Variants in RXFP2 observed in about 807,000 individuals in gnomAD.
RXFP2 encodes the protein relaxin receptor 2.
RXFP2 carries 68 observed loss-of-function variants against 88.6 expected under a neutral mutation model. The observed-to-expected ratio is 0.77, with a 90% CI of 0.63 to 0.94. The LOEUF is 0.94. Among genes scored for constraint, RXFP2 ranks in the 40% least tolerant of loss-of-function variants. The probability of loss-of-function intolerance (pLI) is 0.00; values close to 1 mark genes in which losing one functional copy is unlikely to be tolerated. For synonymous variants in RXFP2, 329 were observed against 306.8 expected (o/e 1.07, Z -0.76); for missense variants, 791 against 893.9 (o/e 0.88, Z 1.47).
At position 31,782,713 on chromosome 13, in the gene RXFP2, A is replaced by G. The variant is rs758820941; in HGVS notation, c.895A>G (p.Lys299Glu). ...PRNQIGFVPEKTFSSLKNLGE... is the reference protein window; with the variant it reads ...PRNQIGFVPEETFSSLKNLGE... ...AAATCAAATTGGTTTTGTTCCAGAG[A>G]AGACATTTTCTTCATTAAAAAATTT... Residue 299 changes from lysine to glutamate, a missense_variant, in exon 11 of 18, where the codon AAG becomes GAG. By Grantham distance (56) the Lys-to-Glu change is moderately conservative (BLOSUM62 1). Coordinates refer to ENST00000298386, the MANE Select transcript of RXFP2 (RefSeq NM_130806.5). The G allele has an allele frequency of 1.2e-6, 2 of 1,611,394 alleles. No individual in the cohort carries two copies. Among genetic ancestry groups the G allele is most frequent in the African/African-American group, 1.3e-5 (1 of 74,984 alleles).
At chr13:31,768,109 G>A (rs544426003) in intron 5 of RXFP2, among the ~76,000 whole-genome samples, 3 of 152,294 alleles carry the variant, frequency 2.0e-5, no homozygotes, top group East Asian at 3.9e-4. Flanking sequence ...AAAAGATAGA[G>A]ACTAACCTTT....
rs71099990 is a variant in RXFP2, at chr13:31,759,375, GAGAAAGAAAGAAAGAAAGAA to G, written c.241+1023_241+1042del. 1.0e-2 allele frequency among the ~76,000 whole-genome samples: 229 copies of G among 22,990 alleles called. 5 individuals carry two copies. Among genetic ancestry groups the G allele is most frequent in the East Asian group, 0.048 (59 of 1,228 alleles). 15.1% of individuals were successfully genotyped at this position (22,990 alleles called of 152,430 possible). A position where few individuals can be genotyped will look rare whatever the true frequency, so the allele number is the denominator to read the frequency against. On this transcript the variant is annotated intron_variant, in intron 2 of 17. Transcript: ENST00000298386. ...TTTTTAAGATGATGACATTTGGATT[GAGAAAGAAAGAAAGAAAGAA>G]AGAAAGAAAGAAAGAAAGAAAGAAA... is the stretch of plus-strand genomic sequence containing the variant.
chr13:31,802,005 A>G (rs537450205), intron 17 of RXFP2, 141 bp from the exon 18 acceptor site: 1 of 804,494 alleles, frequency 1.2e-6, no homozygotes, highest in African/African-American at 1.7e-5. Context: ...CTCTTCCAAC[A>G]AAGATTTTCC....
At chr13:31,778,388 A>G (rs1873094117) in intron 8 of RXFP2, 124 bp from the exon 9 acceptor site, 3 of 694,466 alleles carry the variant, frequency 4.3e-6, no homozygotes, top group Non-Finnish European at 7.6e-6. Flanking sequence ...TGAAATAGCT[A>G]TATATGTTAT....
Position 31,748,758 on chromosome 13 carries a change from G to A in RXFP2, c.94+9052G>A, listed in dbSNP as rs555235101. On this transcript the variant is annotated intron_variant, in intron 1 of 17. Coordinates refer to ENST00000298386, the MANE Select transcript of RXFP2 (RefSeq NM_130806.5). ...TCCCAGCACTTTGGGAGGCCGAGGC[G>A]GGCAGATCACGAGGTCAGGAGATCG... Among the ~76,000 whole-genome samples the A allele has an allele frequency of 2.6e-4, 40 of 152,166 alleles. No individual in the cohort carries two copies. In the South Asian group the frequency reaches 3.7e-3, roughly 14 times the overall value.
intron 1 of RXFP2, among the ~76,000 whole-genome samples, chr13:31,746,389 G>T (rs755048800): frequency 6.6e-6 from 1 of 152,214 alleles, no homozygotes; most frequent in African/African-American, 2.4e-5. Flanking sequence ...TGGGGGCAAT[G>T]AGGACAAATT....
At chr13:31,775,727 A>G (rs896678264) in intron 7 of RXFP2, among the ~76,000 whole-genome samples, 6 of 152,212 alleles carry the variant, frequency 3.9e-5, no homozygotes, top group Non-Finnish European at 8.8e-5. Context: ...AAACCACTGT[A>G]CTGAAAAGTA....
chr13:31,792,562 A>T (rs985219982), intron 15 of RXFP2, 116 bp from the exon 16 acceptor site: 4 of 984,312 alleles, frequency 4.1e-6, no homozygotes, highest in Admixed American at 3.7e-5. Flanking sequence ...ATTTGATATA[A>T]GATGAAAGGA....
chr13:31,747,032 T>G (rs1430919447), intron 1 of RXFP2, among the ~76,000 whole-genome samples: 1 of 152,208 alleles, frequency 6.6e-6, no homozygotes, highest in East Asian at 1.9e-4. Flanking sequence ...CCTTTTTGGC[T>G]GTTTCCTGTT....
intron 17 of RXFP2, 80 bp from the exon 18 acceptor site, chr13:31,802,066 C>A: frequency 7.2e-7 from 1 of 1,392,244 alleles, no homozygotes; most frequent in Non-Finnish European, 1.0e-6. Context: ...TCATAAATAG[C>A]ATTGACTGCA....
chr13:31,739,773 A>C, intron 1 of RXFP2, 67 bp downstream of exon 1: 1 of 1,005,272 alleles, frequency 9.9e-7, no homozygotes, highest in Non-Finnish European at 1.6e-6. Flanking sequence ...ATGTAGTTCT[A>C]TGGCAGTTGT....
intron 1 of RXFP2, among the ~76,000 whole-genome samples, chr13:31,747,333 A>G (rs1871467189): frequency 6.6e-6 from 1 of 152,360 alleles, no homozygotes; most frequent in East Asian, 1.9e-4. Flanking sequence ...TGGCTTAAAA[A>G]AAACAGAAGA....
chr13:31,796,994 T>A (rs1874081061), intron 16 of RXFP2, among the ~76,000 whole-genome samples: 1 of 152,226 alleles, frequency 6.6e-6, no homozygotes, highest in South Asian at 2.1e-4. Flanking sequence ...GTGTATAAGG[T>A]GTATATGAAA....
intron 1 of RXFP2, among the ~76,000 whole-genome samples, chr13:31,753,745 A>G (rs1871784412): frequency 6.6e-6 from 1 of 152,202 alleles, no homozygotes. Context: ...TCTCATCAGA[A>G]TAACAGCCTA....
chr13:31,777,651 A>G (rs960729276), intron 8 of RXFP2, among the ~76,000 whole-genome samples: 1 of 152,214 alleles, frequency 6.6e-6, no homozygotes, highest in African/African-American at 2.4e-5. Context: ...GATCATAATG[A>G]ATATTTTAAG....
chr13:31,758,181 T>C (rs970560438), intron 1 of RXFP2, 77 bp from the exon 2 acceptor site: 1 of 1,472,126 alleles, frequency 6.8e-7, no homozygotes, highest in Non-Finnish European at 9.5e-7. Context: ...CATATAGCTC[T>C]TGTGAAAATT....
At chr13:31,797,102 G>C in intron 16 of RXFP2, 99 bp from the exon 17 acceptor site, 2 of 857,140 alleles carry the variant, frequency 2.3e-6, no homozygotes, top group South Asian at 2.8e-5. Context: ...AACATTTCTG[G>C]TTTCAAACAT....
chr13:31,790,404 G>A (rs1873738742), intron 14 of RXFP2, among the ~76,000 whole-genome samples: 1 of 152,204 alleles, frequency 6.6e-6, no homozygotes, highest in Non-Finnish European at 1.5e-5. Context: ...GTTCATTATA[G>A]TTCAGGTTCC....
At chr13:31,741,940 A>G (rs1272797442) in intron 1 of RXFP2, among the ~76,000 whole-genome samples, 1 of 152,146 alleles carries the variant, frequency 6.6e-6, no homozygotes, top group African/African-American at 2.4e-5. Flanking sequence ...CTGTTGAAAT[A>G]TGTCCATAAA....
Sources: allele counts gnomAD v4.1 joint callset (sites outside exome capture counted in the v4.1 genomes callset), GRCh38; gene constraint gnomAD v4.1.1; transcripts MANE v1.5; gene names NCBI Gene and HGNC (gene_info 2026-07-23, HGNC 2026-07-21).